Variants in EVA1C observed in about 807,000 individuals in gnomAD.
EVA1C encodes the protein eva-1 homolog C.
EVA1C carries 25 observed loss-of-function variants against 45.4 expected under a neutral mutation model. The observed-to-expected ratio is 0.55, with a 90% CI of 0.40 to 0.77. The LOEUF (loss-of-function observed/expected upper bound fraction) is 0.77. Ranked by LOEUF, EVA1C falls within the 30% of genes least tolerant of loss-of-function variation. The probability of loss-of-function intolerance (pLI) is 0.00; values close to 1 mark genes in which losing one functional copy is unlikely to be tolerated. For synonymous variants in EVA1C, 190 were observed against 221.2 expected (o/e 0.86, Z 1.25); for missense variants, 479 against 554.8 (o/e 0.86, Z 1.37).
chr21:32,453,092 G>GC lies in EVA1C; in HGVS notation c.161-214dup, dbSNP rs1276236512. On this transcript the variant is annotated intron_variant, in intron 1 of 7. Transcript: ENST00000300255. ...ACCCTTCTCTACCCAGCACTCCCCT[G>GC]CCCCCCTTCCATGTCAACATGAAAG... 1.6e-5 allele frequency: 8 copies of GC among 487,886 alleles called. No individual in the cohort carries two copies. In the South Asian group the frequency reaches 2.0e-4, roughly 12 times the overall value. The allele number at this position is 487,886 out of a possible 1,614,324, so 30.2% of individuals were successfully genotyped here. A position where few individuals can be genotyped will look rare whatever the true frequency, so the allele number is the denominator to read the frequency against.
chr21:32,423,229 A>G (rs1306691974), intron 1 of EVA1C, among the ~76,000 whole-genome samples: 1 of 152,148 alleles, frequency 6.6e-6, no homozygotes, highest in Non-Finnish European at 1.5e-5. Context: ...TTTGATAGCA[A>G]AAGTCATGAG....
At chr21:32,466,395 GGCGACAGA>G (rs2036174329) in intron 3 of EVA1C, among the ~76,000 whole-genome samples, 1 of 150,372 alleles carries the variant, frequency 6.7e-6, no homozygotes, top group Non-Finnish European at 1.5e-5. Flanking sequence ...CTCCAGCCTG[GGCGACAGA>G]GCGAGATTCC....
At chr21:32,498,467 T>G (rs1441454780) in intron 5 of EVA1C, among the ~76,000 whole-genome samples, 1 of 147,946 alleles carries the variant, frequency 6.8e-6, no homozygotes, top group Non-Finnish European at 1.5e-5. Flanking sequence ...AGAGACATGG[T>G]CCTGTTTTCA....
chr21:32,473,251 C>T (rs567268446), intron 4 of EVA1C, among the ~76,000 whole-genome samples: 2 of 152,352 alleles, frequency 1.3e-5, no homozygotes, highest in South Asian at 4.1e-4. Flanking sequence ...GTTCCAACAA[C>T]ACCTGTGTGT....
intron 6 of EVA1C, among the ~76,000 whole-genome samples, chr21:32,502,536 C>T (rs1184604883): frequency 1.3e-5 from 2 of 152,044 alleles, no homozygotes; most frequent in Non-Finnish European, 2.9e-5. Flanking sequence ...GCAGAGACCC[C>T]GTAGAGCATC....
chr21:32,502,084 CTCTTTCTTTCTT>C (rs1251245267), intron 6 of EVA1C, among the ~76,000 whole-genome samples: 23 of 139,820 alleles, frequency 1.6e-4, no homozygotes, highest in Admixed American at 3.0e-4. Context: ...CTTTCTTTCT[CTCTTTCTTTCTT>C]TCCTTACTTT....
At chr21:32,448,341 AGGTC>A (rs2035440221) in intron 1 of EVA1C, among the ~76,000 whole-genome samples, 2 of 152,232 alleles carry the variant, frequency 1.3e-5, no homozygotes, top group Non-Finnish European at 2.9e-5. Flanking sequence ...TTAAAAGTGT[AGGTC>A]AGATAACTAC....
chr21:32,423,100 T>G (rs1318335981), intron 1 of EVA1C, among the ~76,000 whole-genome samples: 153 of 105,578 alleles, frequency 1.4e-3, no homozygotes, highest in Admixed American at 1.7e-3. Flanking sequence ...AAAAAAATGG[T>G]GGACAAAGAA....
intron 1 of EVA1C, among the ~76,000 whole-genome samples, chr21:32,439,595 G>C (rs569649215): frequency 2.0e-3 from 304 of 152,240 alleles, no homozygotes; most frequent in South Asian, 3.7e-3. Flanking sequence ...ATCCTCCACC[G>C]AGCCAATGGG....
chr21:32,437,771 C>T (rs1236972647), intron 1 of EVA1C, among the ~76,000 whole-genome samples: 1 of 152,182 alleles, frequency 6.6e-6, no homozygotes, highest in Non-Finnish European at 1.5e-5. Context: ...CCCTGCGTTT[C>T]CTCTCTCCCA....
chr21:32,484,239 C>T (rs2036893339), intron 4 of EVA1C, among the ~76,000 whole-genome samples: 1 of 152,064 alleles, frequency 6.6e-6, no homozygotes, highest in South Asian at 2.1e-4. Context: ...GAAGGAACTA[C>T]CATTTAATAT....
intron 1 of EVA1C, among the ~76,000 whole-genome samples, chr21:32,440,494 G>A (rs2035134623): frequency 6.6e-6 from 1 of 152,196 alleles, no homozygotes; most frequent in South Asian, 2.1e-4. Flanking sequence ...GAAAAGGCAT[G>A]AAGAAGTTTC....
chr21:32,475,905 A>AC (rs1568924588), intron 4 of EVA1C, among the ~76,000 whole-genome samples: 34 of 149,820 alleles, frequency 2.3e-4, no homozygotes, highest in African/African-American at 7.9e-4. Flanking sequence ...CTATCTATCT[A>AC]TCTATCTATC....
At position 32,452,546 on chromosome 21, in the gene EVA1C, C is replaced by T. The variant is rs369916358; in HGVS notation, c.161-766C>T. ...CTCCTTCAGTTTTGCCATCTGCAGG[C>T]GGCTTGTGTTAATCAGCTCAATTAG... is the stretch of plus-strand genomic sequence containing the variant. On this transcript the variant is annotated intron_variant, in intron 1 of 7. Coordinates refer to ENST00000300255, the MANE Select transcript of EVA1C (RefSeq NM_058187.5). This position sits in a 1 kb window ranked among gnomAD's most constrained non-coding sequence, Gnocchi z 4.0. The T allele has an allele frequency of 6.6e-5, 10 of 152,374 alleles. No homozygotes were observed. Among genetic ancestry groups the T allele is most frequent in the African/African-American group, 2.2e-4 (9 of 41,580 alleles). 9.4% of individuals were successfully genotyped at this position (152,374 alleles called of 1,614,324 possible).
chr21:32,470,549 G>A (rs2036332375), intron 4 of EVA1C, among the ~76,000 whole-genome samples: 1 of 152,170 alleles, frequency 6.6e-6, no homozygotes, highest in Non-Finnish European at 1.5e-5. Flanking sequence ...AAGTTGACTT[G>A]TGAGCTCCTG....
chr21:32,512,447 C>T (rs1441781142), intron 7 of EVA1C, among the ~76,000 whole-genome samples: 2 of 152,178 alleles, frequency 1.3e-5, no homozygotes, highest in Admixed American at 6.5e-5. Flanking sequence ...CGTCCCCATT[C>T]GACTTCCTTC....
At position 32,412,875 on chromosome 21, in the gene EVA1C, C is replaced by A; in HGVS notation, c.22C>A (p.Arg8Ser). The A allele has an allele frequency of 2.7e-6, 4 of 1,498,374 alleles. No individual in the cohort carries two copies. The highest frequency in any genetic ancestry group is 2.7e-6 in the Non-Finnish European group (3 of 1,129,500). 92.8% of individuals were successfully genotyped at this position (1,498,374 alleles called of 1,614,324 possible). ...CACGATGCTTCTGCCGGGACGCGCA[C>A]GCCAACCGCCGACGCCCCAGCCCGT... is the stretch of plus-strand genomic sequence containing the variant. MLLPGRA[R>S]QPPTPQPVQH... is the part of the protein sequence containing the mutation. Residue 8 changes from arginine to serine, a missense_variant, in exon 1 of 8, where the codon CGC becomes AGC. Arg to Ser is a moderately radical substitution (Grantham distance 110). Transcript: ENST00000300255.
intron 1 of EVA1C, among the ~76,000 whole-genome samples, chr21:32,429,837 C>A (rs1189120995): frequency 2.0e-5 from 3 of 152,048 alleles, no homozygotes; most frequent in Non-Finnish European, 4.4e-5. Context: ...ATTTATTTAA[C>A]CAATATATTC....
At chr21:32,431,065 T>C (rs796117684) in intron 1 of EVA1C, among the ~76,000 whole-genome samples, 1 of 128,832 alleles carries the variant, frequency 7.8e-6, no homozygotes, top group African/African-American at 3.0e-5. Flanking sequence ...TCCCACTAGG[T>C]CCCTCCCACA....
Sources: gnomAD v4.1 joint callset for allele counts (sites outside exome capture counted in the v4.1 genomes callset) on GRCh38, gnomAD v4.1.1 for gene constraint, Gnocchi (gnomAD v3.1) non-coding constraint, MANE v1.5 for transcripts, NCBI Gene and HGNC (gene_info 2026-07-23, HGNC 2026-07-21) for gene names.